The following HSP90AA1 variants were observed in gnomAD, a reference collection of about 807,000 sequenced individuals.
HSP90AA1 encodes the protein heat shock protein HSP 90-alpha.
HSP90AA1 carries 18 observed loss-of-function variants against 73.3 expected under a neutral mutation model. The ratio of observed to expected loss-of-function variants is 0.25; its 90% confidence interval spans 0.17 to 0.36. The LOEUF is 0.36. HSP90AA1 is among the 10% of genes least tolerant of loss of function. The pLI, the probability that HSP90AA1 is intolerant of heterozygous loss-of-function variation, is 1.00. For synonymous variants in HSP90AA1, 477 were observed against 296.9 expected, an observed-to-expected ratio of 1.61 and a Z score of -6.24; for missense variants, 704 against 874.2, an observed-to-expected ratio of 0.81 and a Z score of 2.45.
intron 1 of HSP90AA1, among the ~76,000 whole-genome samples, chr14:102,124,512 C>T (rs926403463): frequency 6.6e-6 from 1 of 151,936 alleles, no homozygotes; most frequent in East Asian, 1.9e-4. Context: ...CTTTTTAAAT[C>T]TGCTATATTA....
chr14:102,083,788 C>T lies in HSP90AA1; in HGVS notation c.1338+5G>A. 1 of 1,607,904 alleles carries T rather than the reference C, an allele frequency of 6.2e-7. No homozygotes were observed. Among genetic ancestry groups the T allele is most frequent in the Non-Finnish European group, 8.5e-7 (1 of 1,175,976 alleles). On this transcript the variant is annotated splice_donor_5th_base_variant and intron_variant, in intron 7 of 10. Coordinates refer to ENST00000216281, the MANE Select transcript of HSP90AA1 (RefSeq NM_005348.4). ...ATTGGAAAACTAATGGTTATTTACA[C>T]CAACCTTTATGTTTTTAGAGAACTG...
intron 2 of HSP90AA1, chr14:102,101,802 C>A: frequency 4.0e-6 from 5 of 1,257,454 alleles, no homozygotes; most frequent in Non-Finnish European, 5.8e-6. Flanking sequence ...CTCCAACCAC[C>A]GGTTGGTTGG....
At chr14:102,123,794 C>T (rs997835170) in intron 1 of HSP90AA1, among the ~76,000 whole-genome samples, 7 of 152,090 alleles carry the variant, frequency 4.6e-5, no homozygotes, top group Admixed American at 4.6e-4. Flanking sequence ...GAGATGTATA[C>T]TAGCAACCGT....
intron 1 of HSP90AA1, among the ~76,000 whole-genome samples, chr14:102,115,136 G>A (rs1469554635): frequency 1.4e-5 from 2 of 145,310 alleles, no homozygotes. Flanking sequence ...CACAGAGCAA[G>A]AAAAAAAAAA....
At chr14:102,113,712 A>G (rs767545608) in intron 1 of HSP90AA1, among the ~76,000 whole-genome samples, 4 of 149,892 alleles carry the variant, frequency 2.7e-5, no homozygotes, top group Non-Finnish European at 5.9e-5. Context: ...ATTTTTATTT[A>G]TTTATTTGTT....
chr14:102,086,568 C>A (rs2049242072), intron 1 of HSP90AA1, among the ~76,000 whole-genome samples, 190 bp from the exon 2 acceptor site: 1 of 152,060 alleles, frequency 6.6e-6, no homozygotes, highest in Admixed American at 6.5e-5. Context: ...CGAGCGTGTG[C>A]GCGCTTCCGG....
chr14:102,090,159 C>T (rs1425938556), upstream of HSP90AA1, among the ~76,000 whole-genome samples: 7 of 152,220 alleles, frequency 4.6e-5, no homozygotes, highest in Admixed American at 2.0e-4. Flanking sequence ...GACTCGCCCC[C>T]ACGAGGCTGT....
At chr14:102,135,961 A>G (rs926681698) in intron 1 of HSP90AA1, among the ~76,000 whole-genome samples, 1 of 152,188 alleles carries the variant, frequency 6.6e-6, no homozygotes, top group African/African-American at 2.4e-5. Flanking sequence ...GGGCTCCCAC[A>G]GTGCAGTGGG....
chr14:102,139,469 TC>T (rs2050189735), exon 1 of HSP90AA1: 1 of 1,454,764 alleles, frequency 6.9e-7, no homozygotes, highest in East Asian at 2.5e-5. Flanking sequence ...GTGGCGCTCT[TC>T]CTCCGCTCTT....
Position 102,085,973 on chromosome 14 carries a change from T to C in HSP90AA1, c.314A>G (p.Asn105Ser), listed in dbSNP as rs1319521352. The C allele has an allele frequency of 3.7e-6, 6 of 1,613,938 alleles. No individual in the cohort carries two copies. Among genetic ancestry groups the C allele is most frequent in the Admixed American group, 1.7e-5 (1 of 60,012 alleles). The change falls in exon 3 of 11, where the codon AAT becomes AGT. Residue 105 changes from asparagine to serine, a missense_variant. Transcript: ENST00000216281. Reference sequence around the variant, plus strand: ...AGACTTGGCGATAGTACCAAGGTTATTGATCAAGTCAGCCTTGGTCATTCC... The same window carrying C: ...AGACTTGGCGATAGTACCAAGGTTACTGATCAAGTCAGCCTTGGTCATTCC... The part of the protein sequence containing the change: ...GIGMTKADLI[N>S]NLGTIAKSGT...
intron 1 of HSP90AA1, chr14:102,139,219 A>G: frequency 1.9e-6 from 3 of 1,613,328 alleles, no homozygotes; most frequent in Non-Finnish European, 2.5e-6. Context: ...AATAAAACAT[A>G]GTGAAGCGTA....
At chr14:102,122,424 G>A (rs2049789671) in intron 1 of HSP90AA1, among the ~76,000 whole-genome samples, 1 of 151,744 alleles carries the variant, frequency 6.6e-6, no homozygotes, top group Admixed American at 6.6e-5. Flanking sequence ...GGGACTACAG[G>A]TGCCCACAAC....
rs111677320 is a variant in HSP90AA1 at position 102,087,018 on chromosome 14, C to G, written c.-33G>C. The G allele has an allele frequency of 8.1e-3, 8,018 of 985,416 alleles. 46 individuals are homozygous for G. The highest frequency in any genetic ancestry group is 9.2e-3 in the Non-Finnish European group (7,622 of 830,106). 61.0% of individuals were successfully genotyped at this position (985,416 alleles called of 1,614,324 possible). ...AAGTGACCGCACAGGACCAACGGCA[C>G]AGCCACACCGGGACGCTGAAGCAAC... On this transcript the variant is annotated 5_prime_UTR_variant, in exon 1 of 11. Transcript: ENST00000216281.
At chr14:102,101,924 C>T (rs2049498321) in exon 2 of HSP90AA1, 3 of 1,614,000 alleles carry the variant, frequency 1.9e-6, no homozygotes, top group Non-Finnish European at 1.7e-6. Context: ...GAGGTGTTGC[C>T]CTGCACCTTG....
intron 3 of HSP90AA1, 119 bp downstream of exon 3, chr14:102,085,639 G>T (rs1439521380): frequency 6.8e-7 from 1 of 1,481,472 alleles, no homozygotes. Flanking sequence ...GCTCTAGCTT[G>T]TTCCTGATCG....
At chr14:102,089,631 G>A (rs1333548967), upstream of HSP90AA1, among the ~76,000 whole-genome samples, 1 of 152,032 alleles carries the variant, frequency 6.6e-6, no homozygotes, top group East Asian at 1.9e-4. Flanking sequence ...CTTGTGTGCA[G>A]ATGACTCACG....
rs535220651 is a variant in HSP90AA1, at chr14:102,125,616, C to T, written c.155+13634G>A. 9.9e-5 allele frequency among the ~76,000 whole-genome samples: 15 copies of T among 152,216 alleles called. No homozygotes were observed. In the South Asian group the frequency reaches 2.9e-3, roughly 29 times the overall value. On this transcript the variant is annotated intron_variant, in intron 1 of 11. Coordinates refer to the HSP90AA1 transcript ENST00000334701. ...CTCAGAAAGCTAGAAGCAGAGCTTT[C>T]TGAAAGCATGAGTAATGTGACCTAA...
chr14:102,091,446 A>T (rs146574833), upstream of HSP90AA1, among the ~76,000 whole-genome samples: 6,601 of 152,052 alleles, frequency 0.043, 169 homozygotes, highest in Middle Eastern at 0.068. Context: ...AACATGGTGA[A>T]ACCCCATCTC....
rs1428490611 is a variant in HSP90AA1, at chr14:102,085,417, G to A, written c.544C>T (p.Arg182Cys). The A allele has an allele frequency of 1.9e-6, 3 of 1,612,646 alleles. No homozygotes were observed. Among genetic ancestry groups the A allele is most frequent in the Admixed American group, 1.7e-5 (1 of 59,826 alleles). Reference protein sequence around the residue: ...VRTDTGEPMGRGTKVILHLKE... With the variant: ...VRTDTGEPMGCGTKVILHLKE... The stretch of plus-strand genomic sequence containing the variant: ...AGGTGTAGGATAACTTTTGTTCCAC[G>A]ACCCATAGGTTCACCTGCAAGAGAA... Residue 182 changes from arginine to cysteine, a missense_variant, in exon 4 of 11, where the codon CGT becomes TGT. Physicochemically the swap from Arg to Cys is radical, Grantham distance 180. Coordinates refer to ENST00000216281, the MANE Select transcript of HSP90AA1 (RefSeq NM_005348.4).
Sources: gnomAD v4.1 joint callset for allele counts (sites outside exome capture counted in the v4.1 genomes callset) on GRCh38, gnomAD v4.1.1 for gene constraint, MANE v1.5 for transcripts, NCBI Gene and HGNC (gene_info 2026-07-23, HGNC 2026-07-21) for gene names.